NBAS: variants seen among roughly 807,000 people sequenced by gnomAD.
NBAS encodes the protein NAG/BC035112 fusion.
Under a neutral mutation model 302.5 loss-of-function variants are expected in NBAS, and 219 were observed. The observed-to-expected ratio is 0.72, with a 90% CI of 0.65 to 0.81. NBAS has a LOEUF of 0.81. NBAS is among the 30% of genes least tolerant of loss of function. NBAS has a pLI of 0.00. For missense variants in NBAS, 2,932 were observed against 2,841.6 expected, an observed-to-expected ratio of 1.03 and a Z score of -0.72; for synonymous variants, 1,118 against 1,021.6, an observed-to-expected ratio of 1.09 and a Z score of -1.80.
chr2:15,359,521 G>A (rs1172425952), intron 32 of NBAS, among the ~76,000 whole-genome samples: 1 of 151,940 alleles, frequency 6.6e-6, no homozygotes, highest in Non-Finnish European at 1.5e-5. Flanking sequence ...TTCAGCTCAT[G>A]TTAAAAGATC....
chr2:15,259,325 C>T (rs1668747998), intron 44 of NBAS, among the ~76,000 whole-genome samples: 2 of 152,180 alleles, frequency 1.3e-5, no homozygotes, highest in South Asian at 4.1e-4. Context: ...TCCATCCAAA[C>T]CCCTGCATTA....
At chr2:14,807,143 G>A in the NBAS span, among the ~76,000 whole-genome samples, 1 of 151,914 alleles carries the variant, frequency 6.6e-6, no homozygotes, top group Non-Finnish European at 1.5e-5. Context: ...TAAATATCAG[G>A]GGGGGGTTCA....
At chr2:14,795,637 C>A in the NBAS span, among the ~76,000 whole-genome samples, 2 of 152,120 alleles carry the variant, frequency 1.3e-5, no homozygotes, top group Non-Finnish European at 2.9e-5. Context: ...AAGACATTTG[C>A]CTAACCCAAA....
chr2:15,315,168 A>G (rs1424176876), intron 38 of NBAS, among the ~76,000 whole-genome samples: 1 of 152,228 alleles, frequency 6.6e-6, no homozygotes, highest in Non-Finnish European at 1.5e-5. Context: ...AAAACACACA[A>G]AAGTAAAAAA....
the NBAS span, among the ~76,000 whole-genome samples, chr2:15,052,633 A>G: frequency 1.3e-5 from 2 of 152,216 alleles, no homozygotes. Flanking sequence ...GACACTATAA[A>G]GCACCTAATC....
intron 35 of NBAS, among the ~76,000 whole-genome samples, chr2:15,337,248 G>C (rs1285570369): frequency 6.6e-5 from 10 of 152,080 alleles, no homozygotes; most frequent in Admixed American, 6.6e-4. Context: ...TTAAGCACAG[G>C]AGTTTGAAGC....
chr2:15,549,995 A>C (rs1041747199), intron 6 of NBAS, among the ~76,000 whole-genome samples: 5 of 151,994 alleles, frequency 3.3e-5, no homozygotes, highest in Non-Finnish European at 5.9e-5. Flanking sequence ...CTCTACAAAA[A>C]ATTTTAAAAT....
chr2:15,496,787 T>C (rs1681089960), intron 11 of NBAS, among the ~76,000 whole-genome samples: 1 of 152,158 alleles, frequency 6.6e-6, no homozygotes, highest in African/African-American at 2.4e-5. Flanking sequence ...GTAAAACAGA[T>C]GTGAATCTAG....
the NBAS span, among the ~76,000 whole-genome samples, chr2:15,141,281 C>A: frequency 1.3e-5 from 2 of 152,048 alleles, no homozygotes; most frequent in African/African-American, 4.8e-5. Context: ...CTGTTTAAAC[C>A]CAACATGTGT....
the NBAS span, among the ~76,000 whole-genome samples, chr2:14,830,454 G>GA: frequency 5.4e-4 from 82 of 152,198 alleles, no homozygotes; most frequent in Middle Eastern, 3.4e-3. Context: ...TAAACACCCA[G>GA]AAAAAATTGG....
the NBAS span, among the ~76,000 whole-genome samples, chr2:14,840,332 G>C: frequency 6.6e-6 from 1 of 151,868 alleles, no homozygotes; most frequent in Non-Finnish European, 1.5e-5. Flanking sequence ...TGTCCAAGAG[G>C]GAACTGAGCA....
chr2:15,362,216 G>A lies in NBAS; in HGVS notation c.3817+4364C>T, dbSNP rs139289737. 8.2e-3 allele frequency among the ~76,000 whole-genome samples: 1,246 copies of A among 151,634 alleles called. 13 individuals are homozygous for A. Among genetic ancestry groups the A allele is most frequent in the African/African-American group, 0.027 (1,135 of 41,298 alleles). On this transcript the variant is annotated intron_variant, in intron 32 of 51. Coordinates refer to ENST00000281513, the MANE Select transcript of NBAS (RefSeq NM_015909.4). ...TCTAGGGCCAGGCACGGTGGCTCAC[G>A]CCTGTAATCTTAGCACTTTGGGAGG...
chr2:15,218,744 G>A lies in NBAS; in HGVS notation c.6432+29C>T, dbSNP rs747793290. ...CGTCCGGCCTAATTATTGTTAGTAAGAAAAATAATCATTCAGACACTCCCT... is the reference window on the plus strand; with the variant it reads ...CGTCCGGCCTAATTATTGTTAGTAAAAAAAATAATCATTCAGACACTCCCT... On this transcript the variant is annotated intron_variant, in intron 48 of 51. Transcript: ENST00000281513. The A allele has an allele frequency of 1.1e-5, 17 of 1,613,614 alleles. No individual in the cohort carries two copies. In the East Asian group the frequency reaches 3.3e-4, roughly 32 times the overall value.
At chr2:15,531,311 G>A (rs1054599570) in intron 9 of NBAS, among the ~76,000 whole-genome samples, 1 of 152,122 alleles carries the variant, frequency 6.6e-6, no homozygotes, top group African/African-American at 2.4e-5. Context: ...CAAGACAATA[G>A]CTATATGGCA....
chr2:14,779,156 G>T, the NBAS span, among the ~76,000 whole-genome samples: 2 of 152,272 alleles, frequency 1.3e-5, no homozygotes, highest in East Asian at 1.9e-4. Flanking sequence ...AGCTGAAGAT[G>T]AAACAGAAAA....
At chr2:15,148,184 G>T in the NBAS span, among the ~76,000 whole-genome samples, 1 of 152,140 alleles carries the variant, frequency 6.6e-6, no homozygotes, top group Admixed American at 6.6e-5. Context: ...CCAATCATAG[G>T]TACAACCCAA....
intron 47 of NBAS, among the ~76,000 whole-genome samples, chr2:15,230,833 G>A (rs1366480429): frequency 1.3e-5 from 2 of 152,172 alleles, no homozygotes; most frequent in East Asian, 3.9e-4. Flanking sequence ...CCTGGAAGGA[G>A]GGTAAGTGTT....
intron 11 of NBAS, among the ~76,000 whole-genome samples, chr2:15,492,877 C>T (rs1051976318): frequency 4.6e-5 from 7 of 152,184 alleles, no homozygotes; most frequent in Non-Finnish European, 8.8e-5. Flanking sequence ...AGAAAATCCA[C>T]GCTAAATTCT....
chr2:14,971,986 GAAGTAT>G, the NBAS span, among the ~76,000 whole-genome samples: 14 of 151,992 alleles, frequency 9.2e-5, no homozygotes, highest in Admixed American at 7.2e-4. Flanking sequence ...AGTATCTGAA[GAAGTAT>G]AAGGACCTGT....
Sources: gnomAD v4.1 joint callset for allele counts (sites outside exome capture counted in the v4.1 genomes callset) on GRCh38, gnomAD v4.1.1 for gene constraint, MANE v1.5 for transcripts, NCBI Gene and HGNC (gene_info 2026-07-23, HGNC 2026-07-21) for gene names.